The following ADGRL2 variants were observed in gnomAD, a reference collection of about 807,000 sequenced individuals.
ADGRL2 encodes calcium-independent alpha-latrotoxin receptor 2.
ADGRL2 carries 44 observed loss-of-function variants against 157.4 expected under a neutral mutation model. The observed-to-expected ratio is 0.28, with a 90% CI of 0.22 to 0.36. The LOEUF (loss-of-function observed/expected upper bound fraction) is 0.36. Among genes scored for constraint, ADGRL2 ranks in the 10% least tolerant of loss-of-function variants. The probability of loss-of-function intolerance (pLI) is 1.00; values close to 1 mark genes in which losing one functional copy is unlikely to be tolerated. For missense variants in ADGRL2, 1,510 were observed against 1,768.9 expected (o/e 0.85, Z 2.63); for synonymous variants, 585 against 624.7 (o/e 0.94, Z 0.95).
rs114023349 is a variant in ADGRL2 at position 81,469,351 on chromosome 1, C to T, written c.-248+24262C>T. On this transcript the variant is annotated intron_variant, in intron 2 of 24. Transcript: ENST00000370721. Reference sequence around the variant, plus strand: ...CATCTTGCGGTTGATTTCAGGGACACGGCTCCTTGATCTGCTGTCTTTTCT... The same window carrying T: ...CATCTTGCGGTTGATTTCAGGGACATGGCTCCTTGATCTGCTGTCTTTTCT... Among the ~76,000 whole-genome samples, 1,037 of 152,296 alleles carry T rather than the reference C, an allele frequency of 6.8e-3. 6 individuals are homozygous for T. The highest frequency in any genetic ancestry group is 0.012 in the Non-Finnish European group (823 of 68,038).
intron 2 of ADGRL2, among the ~76,000 whole-genome samples, chr1:81,539,815 T>TA (rs11297905): frequency 0.18 from 25,239 of 143,602 alleles, 2,142 homozygotes; most frequent in African/African-American, 0.2. Flanking sequence ...GGGAAAAGAT[T>TA]AAAAAAAAAA....
chr1:81,653,995 G>A (rs576524591), intron 3 of ADGRL2, among the ~76,000 whole-genome samples: 29 of 152,222 alleles, frequency 1.9e-4, no homozygotes, highest in African/African-American at 5.3e-4. Context: ...CTGGGGTACA[G>A]TGGAAAGTGG....
chr1:81,823,713 C>T (rs915574134), intron 1 of ADGRL2, among the ~76,000 whole-genome samples: 23 of 151,976 alleles, frequency 1.5e-4, no homozygotes, highest in African/African-American at 5.3e-4. Context: ...AGTGATGGAC[C>T]CAACTGAGTC....
At chr1:81,784,723 G>A (rs1407735204) in intron 2 of ADGRL2, among the ~76,000 whole-genome samples, 90 of 84,550 alleles carry the variant, frequency 1.1e-3, no homozygotes, top group Admixed American at 3.1e-3. Context: ...GTGAGACCCC[G>A]TCTCAAAAAA....
chr1:81,562,207 G>C lies in ADGRL2; in HGVS notation c.-247-18669G>C, dbSNP rs146713005. 2.4e-3 allele frequency among the ~76,000 whole-genome samples: 362 copies of C among 152,152 alleles called. 2 individuals are homozygous for C. Among genetic ancestry groups the C allele is most frequent in the African/African-American group, 8.1e-3 (336 of 41,528 alleles). On this transcript the variant is annotated intron_variant, in intron 2 of 24. Transcript: ENST00000370721. ...GGGGAAACTAAATTGTGCAAAAAGA[G>C]GCCCTCAAGGAAGAAAGTGGATAGT...
At chr1:81,937,434 GAT>G (rs1238040506) in intron 4 of ADGRL2, among the ~76,000 whole-genome samples, 1 of 151,782 alleles carries the variant, frequency 6.6e-6, no homozygotes, top group Non-Finnish European at 1.5e-5. Flanking sequence ...CCTACAGATG[GAT>G]ATTTAAAATT....
intron 1 of ADGRL2, among the ~76,000 whole-genome samples, chr1:81,391,898 T>G (rs908262977): frequency 6.6e-6 from 1 of 152,192 alleles, no homozygotes; most frequent in African/African-American, 2.4e-5. Context: ...TACCATTTAT[T>G]AAATCCTTAC....
intron 3 of ADGRL2, among the ~76,000 whole-genome samples, chr1:81,606,703 T>C (rs1361198050): frequency 6.6e-6 from 1 of 151,916 alleles, no homozygotes; most frequent in African/African-American, 2.4e-5. Flanking sequence ...TACACCCAAA[T>C]ATAGCAAAAG....
intron 1 of ADGRL2, among the ~76,000 whole-genome samples, chr1:81,407,161 C>G (rs750943735): frequency 6.6e-6 from 1 of 152,154 alleles, no homozygotes; most frequent in Non-Finnish European, 1.5e-5. Flanking sequence ...ATAAGGACCA[C>G]CCTATTGTTC....
At chr1:81,545,332 G>C (rs924922141) in intron 2 of ADGRL2, among the ~76,000 whole-genome samples, 4 of 151,022 alleles carry the variant, frequency 2.6e-5, no homozygotes, top group East Asian at 1.9e-4. Context: ...TTTCGCCCAG[G>C]CTGGAGTGCA....
At chr1:81,525,365 T>C (rs1166914764) in intron 2 of ADGRL2, among the ~76,000 whole-genome samples, 1 of 152,148 alleles carries the variant, frequency 6.6e-6, no homozygotes, top group African/African-American at 2.4e-5. Context: ...TCCCCGAGGC[T>C]GGAGTGCAGT....
chr1:81,967,891 A>G (rs1490242815), intron 13 of ADGRL2, 135 bp from the exon 14 acceptor site: 4 of 701,516 alleles, frequency 5.7e-6, no homozygotes, highest in African/African-American at 3.6e-5. Context: ...ATAGTCCACA[A>G]TTTTGCTGAT....
intron 1 of ADGRL2, among the ~76,000 whole-genome samples, chr1:81,351,792 C>T (rs1237638011): frequency 6.6e-6 from 1 of 152,162 alleles, no homozygotes; most frequent in African/African-American, 2.4e-5. Context: ...TTTTAAGAAC[C>T]TGAATGACTA....
At chr1:81,659,562 T>C (rs753275460) in intron 3 of ADGRL2, among the ~76,000 whole-genome samples, 10 of 152,186 alleles carry the variant, frequency 6.6e-5, no homozygotes, top group South Asian at 2.1e-4. Flanking sequence ...TCTATCAGCC[T>C]TCCCAGAGAA....
chr1:81,504,593 T>G (rs1282519556), intron 2 of ADGRL2, among the ~76,000 whole-genome samples: 1 of 152,126 alleles, frequency 6.6e-6, no homozygotes, highest in Non-Finnish European at 1.5e-5. Context: ...CTCTGGCCCT[T>G]CCCTCAAGCC....
At chr1:81,392,359 T>C (rs1217713874) in intron 1 of ADGRL2, among the ~76,000 whole-genome samples, 2 of 152,146 alleles carry the variant, frequency 1.3e-5, no homozygotes, top group African/African-American at 2.4e-5. Flanking sequence ...GTTTTATACC[T>C]GCCTTCCGGT....
chr1:81,654,440 T>A (rs1035303425), intron 3 of ADGRL2, among the ~76,000 whole-genome samples: 2 of 152,152 alleles, frequency 1.3e-5, no homozygotes, highest in African/African-American at 4.8e-5. Flanking sequence ...ACTGTTGCGG[T>A]GAAGGTCTAA....
At chr1:81,517,848 A>G (rs1276761236) in intron 2 of ADGRL2, among the ~76,000 whole-genome samples, 1 of 152,178 alleles carries the variant, frequency 6.6e-6, no homozygotes, top group African/African-American at 2.4e-5. Flanking sequence ...CTCAGCTAGC[A>G]TAGTTAGAGG....
At chr1:81,484,723 G>T (rs529062914) in intron 2 of ADGRL2, among the ~76,000 whole-genome samples, 1 of 152,010 alleles carries the variant, frequency 6.6e-6, no homozygotes, top group East Asian at 1.9e-4. Context: ...AAAAATCATC[G>T]TCTTAGAAGG....
Sources: gnomAD v4.1 joint callset for allele counts (sites outside exome capture counted in the v4.1 genomes callset) on GRCh38, gnomAD v4.1.1 for gene constraint, MANE v1.5 for transcripts, NCBI Gene and HGNC (gene_info 2026-07-23, HGNC 2026-07-21) for gene names.